Variants in IFT81 observed in about 807,000 individuals in gnomAD.
The protein encoded by IFT81 is intraflagellar transport protein 81 homolog.
IFT81 carries 72 observed loss-of-function variants against 102.6 expected under a neutral mutation model. The observed-to-expected ratio is 0.70, with a 90% CI of 0.58 to 0.85. The LOEUF is 0.85. Ranked by LOEUF, IFT81 falls within the 40% of genes least tolerant of loss-of-function variation. The probability of loss-of-function intolerance (pLI) is 0.00; values close to 1 mark genes in which losing one functional copy is unlikely to be tolerated. For missense variants in IFT81, 723 were observed against 787.3 expected, an observed-to-expected ratio of 0.92 and a Z score of 0.98; for synonymous variants, 237 against 242.7, an observed-to-expected ratio of 0.98 and a Z score of 0.22.
At chr12:110,161,100 T>C (rs1384809570) in intron 10 of IFT81, among the ~76,000 whole-genome samples, 1 of 151,716 alleles carries the variant, frequency 6.6e-6, no homozygotes, top group African/African-American at 2.4e-5. Context: ...TCAATTCTTA[T>C]AGAGTCTGGC....
At chr12:110,181,367 A>C (rs1221438834) in intron 12 of IFT81, among the ~76,000 whole-genome samples, 1 of 152,116 alleles carries the variant, frequency 6.6e-6, no homozygotes, top group Non-Finnish European at 1.5e-5. Context: ...TCTAATTTCT[A>C]TTGTGATTTC....
At position 110,157,894 on chromosome 12, in the gene IFT81, G is replaced by T. The variant is rs561036829; in HGVS notation, c.1042-5025G>T. 1.6e-4 allele frequency among the ~76,000 whole-genome samples: 25 copies of T among 152,044 alleles called. No individual in the cohort carries two copies. In the East Asian group the frequency reaches 4.8e-3, roughly 29 times the overall value. ...TTTGCTTTCTTTTTAGGTTTTCCCTGTATTGGCATTTCTATTTTGTTAATA... is the reference window on the plus strand; with the variant it reads ...TTTGCTTTCTTTTTAGGTTTTCCCTTTATTGGCATTTCTATTTTGTTAATA... On this transcript the variant is annotated intron_variant, in intron 10 of 18. Coordinates refer to ENST00000242591, the MANE Select transcript of IFT81 (RefSeq NM_014055.4).
chr12:110,173,922 C>T (rs1896908402), intron 11 of IFT81, among the ~76,000 whole-genome samples: 1 of 151,052 alleles, frequency 6.6e-6, no homozygotes, highest in Non-Finnish European at 1.5e-5. Context: ...TATGACCCTG[C>T]CAAATCCCCC....
At chr12:110,148,186 A>G in intron 10 of IFT81, among the ~76,000 whole-genome samples, 1 of 151,970 alleles carries the variant, frequency 6.6e-6, no homozygotes, top group Non-Finnish European at 1.5e-5. Context: ...TTTTCCCATG[A>G]TATTTCTAAC....
chr12:110,187,861 T>C (rs1046607188), intron 12 of IFT81, among the ~76,000 whole-genome samples: 5 of 152,186 alleles, frequency 3.3e-5, no homozygotes, highest in African/African-American at 1.2e-4. Flanking sequence ...TGGTCCTTAC[T>C]CCAAGGATGT....
At chr12:110,151,315 A>G (rs1455532035) in intron 10 of IFT81, among the ~76,000 whole-genome samples, 2 of 152,200 alleles carry the variant, frequency 1.3e-5, no homozygotes, top group Non-Finnish European at 2.9e-5. Context: ...ACTTAGCGTA[A>G]CATTTTTAAA....
At chr12:110,146,563 C>T (rs948124430) in intron 9 of IFT81, among the ~76,000 whole-genome samples, 1 of 152,144 alleles carries the variant, frequency 6.6e-6, no homozygotes, top group Admixed American at 6.6e-5. Context: ...TATAAGTAAT[C>T]AAACTGTGTA....
intron 8 of IFT81, among the ~76,000 whole-genome samples, chr12:110,139,775 A>G (rs1446824102): frequency 6.6e-6 from 1 of 150,614 alleles, no homozygotes; most frequent in African/African-American, 2.5e-5. Context: ...CTCCATCTCA[A>G]AATAAACACA....
intron 11 of IFT81, among the ~76,000 whole-genome samples, chr12:110,174,132 G>A (rs28380226): frequency 6.6e-6 from 1 of 151,622 alleles, no homozygotes; most frequent in African/African-American, 2.4e-5. Flanking sequence ...AAAAAAATTA[G>A]CCAGGCATGG....
intron 11 of IFT81, among the ~76,000 whole-genome samples, chr12:110,176,151 C>G (rs1418478721): frequency 2.0e-5 from 3 of 152,054 alleles, no homozygotes; most frequent in Non-Finnish European, 4.4e-5. Flanking sequence ...TATCCTTGGC[C>G]ATTCAGCCTG....
chr12:110,139,352 A>G (rs578181555), intron 8 of IFT81, among the ~76,000 whole-genome samples: 94 of 150,696 alleles, frequency 6.2e-4, no homozygotes, highest in Admixed American at 1.1e-3. Context: ...AAAAAAAAAA[A>G]AAAGAAAAGG....
chr12:110,201,859 A>T (rs1483586824), intron 14 of IFT81, among the ~76,000 whole-genome samples: 1 of 152,150 alleles, frequency 6.6e-6, no homozygotes, highest in Non-Finnish European at 1.5e-5. Flanking sequence ...TGTCCCACTG[A>T]AAGGTCTTCA....
At chr12:110,179,763 TATATATATATACACAC>T (rs1354630194) in intron 11 of IFT81, among the ~76,000 whole-genome samples, 2 of 68,948 alleles carry the variant, frequency 2.9e-5, no homozygotes, top group African/African-American at 1.3e-4. Flanking sequence ...TATATATATA[TATATATATATACACAC>T]ACACACACAC....
At chr12:110,174,300 A>AT (rs1478215296) in intron 11 of IFT81, among the ~76,000 whole-genome samples, 12 of 146,366 alleles carry the variant, frequency 8.2e-5, no homozygotes, top group Non-Finnish European at 1.2e-4. Flanking sequence ...AAAAAAAAAA[A>AT]AAAAAAATTA....
At chr12:110,193,390 G>A (rs1463221746) in intron 14 of IFT81, among the ~76,000 whole-genome samples, 1 of 152,094 alleles carries the variant, frequency 6.6e-6, no homozygotes, top group Non-Finnish European at 1.5e-5. Flanking sequence ...GCCCACAAGT[G>A]GTGACAAGTT....
chr12:110,175,448 G>C (rs2137495225), intron 11 of IFT81, among the ~76,000 whole-genome samples: 1 of 152,250 alleles, frequency 6.6e-6, no homozygotes, highest in South Asian at 2.1e-4. Flanking sequence ...GAGACTGTTA[G>C]TTTCTTCTAA....
chr12:110,182,305 G>A (rs1175045193), intron 12 of IFT81, among the ~76,000 whole-genome samples: 1 of 152,098 alleles, frequency 6.6e-6, no homozygotes, highest in Non-Finnish European at 1.5e-5. Context: ...AAAACTTATA[G>A]GAGAAAGATT....
chr12:110,161,059 A>G (rs1367911208), intron 10 of IFT81, among the ~76,000 whole-genome samples: 1 of 151,048 alleles, frequency 6.6e-6, no homozygotes, highest in Non-Finnish European at 1.5e-5. Flanking sequence ...TTATTTTATC[A>G]TGTTATTTAT....
chr12:110,207,193 G>A (rs1171163580), intron 17 of IFT81, among the ~76,000 whole-genome samples: 1 of 151,984 alleles, frequency 6.6e-6, no homozygotes, highest in African/African-American at 2.4e-5. Flanking sequence ...ACTGTGTTTG[G>A]CTAATTTTTG....
Sources: gnomAD v4.1 joint callset for allele counts (sites outside exome capture counted in the v4.1 genomes callset) on GRCh38, gnomAD v4.1.1 for gene constraint, MANE v1.5 for transcripts, NCBI Gene and HGNC (gene_info 2026-07-23, HGNC 2026-07-21) for gene names.